The following COLEC10 variants were observed in gnomAD, a reference collection of about 807,000 sequenced individuals.
The protein encoded by COLEC10 is collectin-10.
A neutral mutation model predicts 28.4 loss-of-function variants in COLEC10; 22 were observed. That is an observed-to-expected ratio of 0.78 (90% confidence interval 0.55 to 1.11). COLEC10 has a LOEUF of 1.11. Ranked by LOEUF, COLEC10 falls within the 50% of genes least tolerant of loss-of-function variation. The probability of loss-of-function intolerance (pLI) is 0.00; values close to 1 mark genes in which losing one functional copy is unlikely to be tolerated. For synonymous variants in COLEC10, 125 were observed against 116.1 expected (o/e 1.08, Z -0.49); for missense variants, 361 against 344.1 (o/e 1.05, Z -0.39).
At chr8:118,999,772 T>G (rs1813657129) in intron 1 of COLEC10, among the ~76,000 whole-genome samples, 1 of 152,132 alleles carries the variant, frequency 6.6e-6, no homozygotes, top group African/African-American at 2.4e-5. Flanking sequence ...ATATTGACCA[T>G]TTGCTTTGGG....
intron 3 of COLEC10, among the ~76,000 whole-genome samples, chr8:119,095,850 A>C (rs1815704295): frequency 6.6e-6 from 1 of 152,226 alleles, no homozygotes; most frequent in East Asian, 1.9e-4. Context: ...CAAAGGTAGA[A>C]GACTTAAATT....
chr8:118,976,116 T>C, the COLEC10 span, among the ~76,000 whole-genome samples: 1 of 152,100 alleles, frequency 6.6e-6, no homozygotes, highest in Non-Finnish European at 1.5e-5. Flanking sequence ...TTTAAAAATG[T>C]GCTGACAGCC....
upstream of COLEC10, chr8:119,063,055 A>G (rs917368153): frequency 7.2e-5 from 11 of 152,188 alleles, no homozygotes; most frequent in African/African-American, 2.4e-4. Flanking sequence ...TTGTACTGTT[A>G]TGCTGTTTTA....
At chr8:118,980,312 C>T in the COLEC10 span, among the ~76,000 whole-genome samples, 4 of 151,700 alleles carry the variant, frequency 2.6e-5, no homozygotes, top group East Asian at 7.8e-4. Context: ...CATGCCTCAG[C>T]TTCCCAAGTA....
intron 1 of COLEC10, among the ~76,000 whole-genome samples, chr8:119,007,120 GAA>G (rs1285433967): frequency 6.6e-6 from 1 of 151,956 alleles, no homozygotes; most frequent in East Asian, 1.9e-4. Context: ...TCATGACTTG[GAA>G]AACAGTTCCC....
In COLEC10 at chr8:119,102,386, G is replaced by A; in HGVS notation, c.331G>A (p.Glu111Lys). ...GEKGLLGIPG[E>K]KGKAGTVCDC... ...AAAAGGTTTGCTTGGAATACCTGGA[G>A]AAAAAGGCAAAGCAGGTACGATATG... is the stretch of plus-strand genomic sequence containing the variant. Residue 111 changes from glutamate to lysine, a missense_variant, in exon 4 of 6, where the codon GAA becomes AAA. Physicochemically the swap from Glu to Lys is moderately conservative, Grantham distance 56. This residue lies in a region of COLEC10 where 335 missense variants were observed against 308.5 expected (regional missense o/e 1.09). Transcript: ENST00000332843. The A allele has an allele frequency of 1.2e-6, 2 of 1,609,544 alleles. No homozygotes were observed. Among genetic ancestry groups the A allele is most frequent in the Non-Finnish European group, 1.7e-6 (2 of 1,177,796 alleles).
chr8:119,106,289 T>A lies in COLEC10; in HGVS notation c.*98T>A. On this transcript the variant is annotated 3_prime_UTR_variant, in exon 6 of 6. Coordinates refer to ENST00000332843, the MANE Select transcript of COLEC10 (RefSeq NM_006438.5). ...CTGATTGTACTACATTTGATCTGAG[T>A]CAACATAGCTAGAAAATGCTAAACT... 7.8e-7 allele frequency: 1 copy of A among 1,284,474 alleles called. No homozygotes were observed. 79.6% of individuals were successfully genotyped at this position (1,284,474 alleles called of 1,614,324 possible).
chr8:119,083,872 G>A (rs191799452), intron 1 of COLEC10, among the ~76,000 whole-genome samples: 1 of 152,102 alleles, frequency 6.6e-6, no homozygotes, highest in Non-Finnish European at 1.5e-5. Context: ...AAATTCAGGA[G>A]TTGAGCCTAA....
upstream of COLEC10, among the ~76,000 whole-genome samples, chr8:118,994,116 G>A (rs954707745): frequency 6.6e-6 from 1 of 152,142 alleles, no homozygotes; most frequent in Non-Finnish European, 1.5e-5. Flanking sequence ...GAATACAATA[G>A]CTTGGATTCT....
intron 3 of COLEC10, among the ~76,000 whole-genome samples, chr8:119,100,375 G>A (rs918597966): frequency 9.2e-5 from 14 of 152,242 alleles, no homozygotes; most frequent in Admixed American, 5.2e-4. Context: ...AAGGTATCCC[G>A]AATAGTACTT....
intron 1 of COLEC10, among the ~76,000 whole-genome samples, chr8:119,072,454 G>GA (rs547109278): frequency 2.0e-5 from 3 of 152,088 alleles, no homozygotes; most frequent in Admixed American, 1.3e-4. Flanking sequence ...GGACTTTTGA[G>GA]AAAAAAAGAC....
At chr8:119,016,354 A>G (rs1327630602) in intron 2 of COLEC10, among the ~76,000 whole-genome samples, 1 of 152,168 alleles carries the variant, frequency 6.6e-6, no homozygotes, top group Non-Finnish European at 1.5e-5. Flanking sequence ...AAAGGACATG[A>G]ACTCATCCTT....
At chr8:119,043,852 C>T (rs979582404) in intron 2 of COLEC10, among the ~76,000 whole-genome samples, 3 of 152,174 alleles carry the variant, frequency 2.0e-5, no homozygotes, top group Non-Finnish European at 4.4e-5. Context: ...CAGGAGAGGA[C>T]AATGACTTGC....
chr8:119,057,692 A>G (rs910006077), intron 2 of COLEC10, among the ~76,000 whole-genome samples: 13 of 152,100 alleles, frequency 8.5e-5, no homozygotes, highest in Non-Finnish European at 1.6e-4. Flanking sequence ...AGATGAATAA[A>G]TGCACTTTCA....
chr8:118,962,948 C>T, the COLEC10 span, among the ~76,000 whole-genome samples: 4 of 152,120 alleles, frequency 2.6e-5, no homozygotes, highest in Admixed American at 6.5e-5. Context: ...GTGCCAGGCA[C>T]TGGATATGAG....
intron 1 of COLEC10, among the ~76,000 whole-genome samples, chr8:119,069,630 ATATATATATATATATAT>A (rs1250024211): frequency 5.9e-4 from 17 of 28,888 alleles, no homozygotes; most frequent in Non-Finnish European, 8.3e-4. Flanking sequence ...AAAAAAAAAA[ATATATATATATATATAT>A]ATATATATAT....
intron 3 of COLEC10, among the ~76,000 whole-genome samples, chr8:119,093,646 C>A (rs1815655347): frequency 6.6e-6 from 1 of 152,120 alleles, no homozygotes; most frequent in Admixed American, 6.5e-5. Context: ...TAAAATAGTG[C>A]TTCTTAACAT....
intron 2 of COLEC10, among the ~76,000 whole-genome samples, chr8:119,020,583 A>T (rs1000744392): frequency 6.6e-6 from 1 of 152,180 alleles, no homozygotes; most frequent in African/African-American, 2.4e-5. Context: ...GGATGAACTT[A>T]GTACACTGAA....
chr8:119,016,431 A>G (rs1813992718), intron 2 of COLEC10, among the ~76,000 whole-genome samples: 1 of 152,114 alleles, frequency 6.6e-6, no homozygotes. Context: ...TATCACTGAT[A>G]GGCATTTGGG....
Sources: allele counts gnomAD v4.1 joint callset (sites outside exome capture counted in the v4.1 genomes callset), GRCh38; gene constraint gnomAD v4.1.1; regional missense constraint gnomAD v4.1.1; transcripts MANE v1.5; gene names NCBI Gene and HGNC (gene_info 2026-07-23, HGNC 2026-07-21).